ALYREF: variants seen among roughly 807,000 people sequenced by gnomAD.
ALYREF encodes the protein THO complex subunit 4.
A neutral mutation model predicts 25.2 loss-of-function variants in ALYREF; 1 was observed. The ratio of observed to expected loss-of-function variants is 0.04; its 90% CI spans 0.01 to 0.19. The LOEUF is 0.19. Among genes scored for constraint, ALYREF ranks in the 10% least tolerant of loss-of-function variants. The pLI is 1.00. For synonymous variants in ALYREF, 193 were observed against 153.5 expected, an observed-to-expected ratio of 1.26 and a Z score of -1.90; for missense variants, 328 against 375.6, an observed-to-expected ratio of 0.87 and a Z score of 1.05.
At position 81,891,582 on chromosome 17, in the gene ALYREF, G is replaced by T. The variant is rs1052702910; in HGVS notation, c.-2C>A. On this transcript the variant is annotated 5_prime_UTR_variant, in exon 1 of 6. Coordinates refer to ENST00000505490, the MANE Select transcript of ALYREF (RefSeq NM_005782.4). Reference sequence around the variant, plus strand: ...CATGGCGGGCGCGGAATCGGGCATCGGCTCGAGCCCGCGCGTCAGCACGCC... The same window carrying T: ...CATGGCGGGCGCGGAATCGGGCATCTGCTCGAGCCCGCGCGTCAGCACGCC... 5 of 1,427,400 alleles carry T rather than the reference G, an allele frequency of 3.5e-6. No individual in the cohort carries two copies. The highest frequency in any genetic ancestry group is 4.6e-6 in the Non-Finnish European group (5 of 1,088,328). The allele number at this position is 1,427,400 out of a possible 1,614,324, so 88.4% of individuals were successfully genotyped here. A position where few individuals can be genotyped will look rare whatever the true frequency, so the allele number is the denominator to read the frequency against.
chr17:81,890,800 C>G lies in ALYREF; in HGVS notation c.279G>C (p.Lys93Asn). ...PYSRPKQLPDKWQHDLFDSGF... is the reference protein window; with the variant it reads ...PYSRPKQLPDNWQHDLFDSGF... The stretch of plus-strand genomic sequence containing the variant: ...CACTGTCGAAAAGATCGTGCTGCCA[C>G]TTGTCGGGAAGTTGTTTTGGCTGAA... Residue 93 changes from lysine to asparagine, a missense_variant, in exon 2 of 6, where the codon AAG becomes AAC. Lys to Asn is a moderately conservative substitution (Grantham distance 94). Coordinates refer to ENST00000505490, the MANE Select transcript of ALYREF (RefSeq NM_005782.4). 1 of 1,614,150 alleles carries G rather than the reference C, an allele frequency of 6.2e-7. No homozygotes were observed. Among genetic ancestry groups the G allele is most frequent in the Non-Finnish European group, 8.5e-7 (1 of 1,180,016 alleles).
At position 81,887,849 on chromosome 17, in the gene ALYREF, A is replaced by G. The variant is rs914799736; in HGVS notation, c.*282T>C. On this transcript the variant is annotated 3_prime_UTR_variant, in exon 6 of 6. Transcript: ENST00000505490. Reference sequence around the variant, plus strand: ...GAATCAAACAGTTCCAGTTCTACACACATTTCTATTTTATTATGGAAAAGG... The same window carrying G: ...GAATCAAACAGTTCCAGTTCTACACGCATTTCTATTTTATTATGGAAAAGG... The G allele has an allele frequency of 8.1e-6, 3 of 371,346 alleles. No individual in the cohort carries two copies. The highest frequency in any genetic ancestry group is 6.3e-5 in the African/African-American group (3 of 47,332). 23.0% of individuals were successfully genotyped at this position (371,346 alleles called of 1,614,324 possible).
rs1311434701 is a variant in ALYREF at position 81,887,932 on chromosome 17, G to A, written c.*199C>T. 8.6e-6 allele frequency: 5 copies of A among 578,682 alleles called. No homozygotes were observed. In the South Asian group the frequency reaches 1.1e-4, roughly 13 times the overall value. 35.8% of individuals were successfully genotyped at this position (578,682 alleles called of 1,614,324 possible). ...GTAAAATTTATCCCAAAAATAACTC[G>A]GTACAAAACAGGTCTGTTTCAGAAT... is the stretch of plus-strand genomic sequence containing the variant. On this transcript the variant is annotated 3_prime_UTR_variant, in exon 6 of 6. Coordinates refer to ENST00000505490, the MANE Select transcript of ALYREF (RefSeq NM_005782.4).
Position 81,887,953 on chromosome 17 carries a change from A to T in ALYREF, c.*178T>A. On this transcript the variant is annotated 3_prime_UTR_variant, in exon 6 of 6. Coordinates refer to ENST00000505490, the MANE Select transcript of ALYREF (RefSeq NM_005782.4). ...ACTCGGTACAAAACAGGTCTGTTTC[A>T]GAATTAAAAAAAAAAAAAAAGAAAA... 1 of 765,864 alleles carries T rather than the reference A, an allele frequency of 1.3e-6. No homozygotes were observed. Among genetic ancestry groups the T allele is most frequent in the Non-Finnish European group, 1.9e-6 (1 of 513,092 alleles). 47.4% of individuals were successfully genotyped at this position (765,864 alleles called of 1,614,324 possible). A position where few individuals can be genotyped will look rare whatever the true frequency, so the allele number is the denominator to read the frequency against.
At position 81,889,291 on chromosome 17, in the gene ALYREF, A is replaced by G. The variant is rs372068252; in HGVS notation, c.429T>C (p.Ala143=). Residue 143 remains alanine, a synonymous_variant, in exon 3 of 6, where the codon GCT becomes GCC. Transcript: ENST00000505490. ...TGCGACCAGAGCGATCATAGTGCAC[A>G]GCCGCCTTCTTCAGCGTTCCAAATT... is the stretch of plus-strand genomic sequence containing the variant. ...FAEFGTLKKA[A]VHYDRSGRSL... 5 of 1,614,110 alleles carry G rather than the reference A, an allele frequency of 3.1e-6. No individual in the cohort carries two copies. The highest frequency in any genetic ancestry group is 1.3e-5 in the African/African-American group (1 of 74,958).
intron 3 of ALYREF, 35 bp downstream of exon 3, chr17:81,889,147 C>A: frequency 1.2e-6 from 2 of 1,607,946 alleles, no homozygotes; most frequent in Non-Finnish European, 1.7e-6. Flanking sequence ...ACTCCACAAG[C>A]CCCACAGTCA....
In ALYREF at chr17:81,887,889, T is replaced by C. The variant is rs1382224182; in HGVS notation, c.*242A>G. The C allele has an allele frequency of 2.1e-6, 1 of 465,992 alleles. No individual in the cohort carries two copies. The highest frequency in any genetic ancestry group is 2.1e-5 in the African/African-American group (1 of 48,488). 28.9% of individuals were successfully genotyped at this position (465,992 alleles called of 1,614,324 possible). ...TATGGAAAAGGTGGAAACGCCACCT[T>C]CTCCACAACAGCAACCAGTAAAATT... On this transcript the variant is annotated 3_prime_UTR_variant, in exon 6 of 6. Coordinates refer to ENST00000505490, the MANE Select transcript of ALYREF (RefSeq NM_005782.4).
chr17:81,888,813 C>T lies in ALYREF; in HGVS notation c.539-230G>A. 2.1e-6 allele frequency: 3 copies of T among 1,424,570 alleles called. No homozygotes were observed. Among genetic ancestry groups the T allele is most frequent in the Non-Finnish European group, 2.7e-6 (3 of 1,091,966 alleles). 88.2% of individuals were successfully genotyped at this position (1,424,570 alleles called of 1,614,324 possible). A position where few individuals can be genotyped will look rare whatever the true frequency, so the allele number is the denominator to read the frequency against. Reference sequence around the variant, plus strand: ...CAGTCCAGACTAGGTGGGCTGCTCGCTGAGGTATCGGGGTGCTCGTGGGTG... The same window carrying T: ...CAGTCCAGACTAGGTGGGCTGCTCGTTGAGGTATCGGGGTGCTCGTGGGTG... On this transcript the variant is annotated intron_variant, in intron 3 of 5. Transcript: ENST00000505490. The surrounding 1 kb of genome is among the most constrained non-coding windows in gnomAD (Gnocchi z 5.8).
intron 1 of ALYREF, chr17:81,891,071 T>C (rs1415912035): frequency 1.5e-6 from 1 of 669,538 alleles, no homozygotes; most frequent in Non-Finnish European, 2.4e-6. Flanking sequence ...CCTCCTCTCC[T>C]GCCACGAGGC....
intron 1 of ALYREF, 85 bp downstream of exon 1, chr17:81,891,238 G>A: frequency 9.9e-7 from 1 of 1,005,450 alleles, no homozygotes; most frequent in Non-Finnish European, 1.2e-6. Flanking sequence ...CCACCCGCCG[G>A]CCCGGGTCTC....
Position 81,888,625 on chromosome 17 carries a change from TC to T in ALYREF, c.539-43del. The T allele has an allele frequency of 6.4e-7, 1 of 1,562,158 alleles. No individual in the cohort carries two copies. ...GAGAAGGCACGTTCTATTGAGAGGC[TC>T]TGAAACCCACCCAGCTGGCGCCACA... On this transcript the variant is annotated intron_variant, in intron 3 of 5. Coordinates refer to ENST00000505490, the MANE Select transcript of ALYREF (RefSeq NM_005782.4). This position sits in a 1 kb window ranked among gnomAD's most constrained non-coding sequence, Gnocchi z 5.8.
rs1467381627 is a variant in ALYREF, at chr17:81,891,381, G to A, written c.200C>T (p.Ala67Val). ...RGGGPIRNRP[A>V]IARGAAGGGG... ...TCCGCCGGCCGCGCCGCGGGCGATG[G>A]CCGGCCGGTTCCGGATGGGCCCGCC... Residue 67 changes from alanine to valine, a missense_variant, in exon 1 of 6, where the codon GCC becomes GTC. By Grantham distance (64) the Ala-to-Val change is moderately conservative (BLOSUM62 0). Transcript: ENST00000505490. 1 of 1,131,822 alleles carries A rather than the reference G, an allele frequency of 8.8e-7. No individual in the cohort carries two copies. Among genetic ancestry groups the A allele is most frequent in the Non-Finnish European group, 1.1e-6 (1 of 923,136 alleles). 70.1% of individuals were successfully genotyped at this position (1,131,822 alleles called of 1,614,324 possible). A position where few individuals can be genotyped will look rare whatever the true frequency, so the allele number is the denominator to read the frequency against.
Position 81,890,753 on chromosome 17 carries a change from A to C in ALYREF, c.326T>G (p.Val109Gly). ...CACCAGCAGTTTCCCACCTGTCTCCACGCCGGCACCACCGCCGAAGCCACT... is the reference window on the plus strand; with the variant it reads ...CACCAGCAGTTTCCCACCTGTCTCCCCGCCGGCACCACCGCCGAAGCCACT... ...FDSGFGGGAGVETGGKLLVSN... is the reference protein window; with the variant it reads ...FDSGFGGGAGGETGGKLLVSN... The change falls in exon 2 of 6, where the codon GTG (valine) becomes GGG (glycine). Residue 109 changes from valine (V) to glycine (G), a missense_variant. Around this residue, in one of 3 missense-constraint regions of ALYREF, gnomAD observed 70 missense variants for 129.9 expected, o/e 0.54. Transcript: ENST00000505490. 2 of 1,613,774 alleles carry C rather than the reference A, an allele frequency of 1.2e-6. No homozygotes were observed. The highest frequency in any genetic ancestry group is 8.5e-7 in the Non-Finnish European group (1 of 1,179,960).
intron 1 of ALYREF, 58 bp from the exon 2 acceptor site, chr17:81,890,878 A>C: frequency 6.2e-7 from 1 of 1,610,998 alleles, no homozygotes; most frequent in Non-Finnish European, 8.5e-7. Flanking sequence ...GGCTTTCCTG[A>C]CCCTCACGGC....
At chr17:81,890,951 C>T in intron 1 of ALYREF, 131 bp from the exon 2 acceptor site, 2 of 1,379,550 alleles carry the variant, frequency 1.4e-6, no homozygotes, top group Non-Finnish European at 2.0e-6. Flanking sequence ...CGCCAGCGCT[C>T]CCTCCGGCGC....
At position 81,888,872 on chromosome 17, in the gene ALYREF, G is replaced by A; in HGVS notation, c.539-289C>T. On this transcript the variant is annotated intron_variant, in intron 3 of 5. Coordinates refer to ENST00000505490, the MANE Select transcript of ALYREF (RefSeq NM_005782.4). This position sits in a 1 kb window ranked among gnomAD's most constrained non-coding sequence, Gnocchi z 5.8. ...TGGGTGACCTGACGAAGAAGAACCG[G>A]TACCTTTGTCTTTACGACTACAGCC... The A allele has an allele frequency of 7.1e-7, 1 of 1,408,482 alleles. No homozygotes were observed. The highest frequency in any genetic ancestry group is 9.2e-7 in the Non-Finnish European group (1 of 1,083,282). The allele number at this position is 1,408,482 out of a possible 1,614,324, so 87.2% of individuals were successfully genotyped here.
rs180796141 is a variant in ALYREF at position 81,890,194 on chromosome 17, C to G, written c.390+495G>C. On this transcript the variant is annotated intron_variant, in intron 2 of 5. Transcript: ENST00000505490. ...CCAAAGATGGATTTGAGAGTCATGT[C>G]ACTGACGGGACACGGCGGTGGGGAG... 3.9e-5 allele frequency among the ~76,000 whole-genome samples: 6 copies of G among 152,234 alleles called. No individual in the cohort carries two copies. The East Asian group carries it at 1.2e-3, about 29-fold the overall frequency.
chr17:81,891,027 T>C, intron 1 of ALYREF: 1 of 766,666 alleles, frequency 1.3e-6, no homozygotes, highest in Non-Finnish European at 2.0e-6. Flanking sequence ...TCCCTTAGAC[T>C]AACTTCCCGC....
In ALYREF at chr17:81,888,822, C is replaced by T. The variant is rs757420189; in HGVS notation, c.539-239G>A. On this transcript the variant is annotated intron_variant, in intron 3 of 5. Transcript: ENST00000505490. This position sits in a 1 kb window ranked among gnomAD's most constrained non-coding sequence, Gnocchi z 5.8. ...CTAGGTGGGCTGCTCGCTGAGGTATCGGGGTGCTCGTGGGTGGAGAGGTGT... is the reference window on the plus strand; with the variant it reads ...CTAGGTGGGCTGCTCGCTGAGGTATTGGGGTGCTCGTGGGTGGAGAGGTGT... 1.0e-3 allele frequency: 1,418 copies of T among 1,421,394 alleles called. 2 individuals are homozygous for T. The highest frequency in any genetic ancestry group is 1.2e-3 in the Non-Finnish European group (1,342 of 1,090,664). 88.0% of individuals were successfully genotyped at this position (1,421,394 alleles called of 1,614,324 possible). A position where few individuals can be genotyped will look rare whatever the true frequency, so the allele number is the denominator to read the frequency against.
Sources: gnomAD v4.1 joint callset for allele counts (sites outside exome capture counted in the v4.1 genomes callset) on GRCh38, gnomAD v4.1.1 for gene constraint, gnomAD v4.1.1 regional missense constraint, Gnocchi (gnomAD v3.1) non-coding constraint, MANE v1.5 for transcripts, NCBI Gene and HGNC (gene_info 2026-07-23, HGNC 2026-07-21) for gene names.